Variants in PAQR8 observed in about 807,000 individuals in gnomAD.
PAQR8 encodes membrane progestin receptor beta.
PAQR8 carries 17 observed loss-of-function variants against 25.2 expected under a neutral mutation model. The ratio of observed to expected loss-of-function variants is 0.67; its 90% CI spans 0.46 to 1.01. PAQR8 has a LOEUF of 1.01. Ranked by LOEUF, PAQR8 falls within the 50% of genes least tolerant of loss-of-function variation. The probability of loss-of-function intolerance (pLI) is 0.00; values close to 1 mark genes in which losing one functional copy is unlikely to be tolerated. For missense variants in PAQR8, 392 were observed against 448.4 expected, an observed-to-expected ratio of 0.87 and a Z score of 1.14; for synonymous variants, 204 against 190.6, an observed-to-expected ratio of 1.07 and a Z score of -0.58.
chr6:52,391,304 T>A (rs1315882909), intron 1 of PAQR8, among the ~76,000 whole-genome samples: 1 of 152,246 alleles, frequency 6.6e-6, no homozygotes, highest in African/African-American at 2.4e-5. Context: ...TATCTTTGTA[T>A]AACAATAAAT....
Position 52,403,530 on chromosome 6 carries a change from C to T in PAQR8, c.317C>T (p.Ser106Phe), listed in dbSNP as rs1418824851. The change falls in exon 2 of 2, where the codon TCT (serine) becomes TTT (phenylalanine). Residue 106 changes from serine to phenylalanine, a missense_variant. Transcript: ENST00000442253. ...GAGGCTGAGGCCTTGCCATGGGCGT[C>T]TACCCACTCCCTGCCTCTGCTCCTC... ...FAEAEALPWA[S>F]THSLPLLLFI... The T allele has an allele frequency of 3.1e-6, 5 of 1,614,074 alleles. No individual in the cohort carries two copies. Among genetic ancestry groups the T allele is most frequent in the Non-Finnish European group, 3.4e-6 (4 of 1,180,050 alleles).
In PAQR8 at chr6:52,372,753, G is replaced by GATAT. The variant is rs376675829; in HGVS notation, c.-53+10517_-53+10520dup. On this transcript the variant is annotated intron_variant, in intron 1 of 1. Transcript: ENST00000442253. ...AACTCCATATATATATATATATATG[G>GATAT]ATATATATATATATATCTTCAGATT... 3.7e-3 allele frequency among the ~76,000 whole-genome samples: 509 copies of GATAT among 138,114 alleles called. 4 individuals are homozygous for GATAT. The highest frequency in any genetic ancestry group is 0.01 in the African/African-American group (391 of 37,356). 90.6% of individuals were successfully genotyped at this position (138,114 alleles called of 152,430 possible). A position where few individuals can be genotyped will look rare whatever the true frequency, so the allele number is the denominator to read the frequency against.
At chr6:52,366,166 T>TTA (rs1270045513) in intron 1 of PAQR8, among the ~76,000 whole-genome samples, 11 of 152,020 alleles carry the variant, frequency 7.2e-5, no homozygotes, top group Non-Finnish European at 1.5e-4. Flanking sequence ...AAATTTTATT[T>TTA]TATATATATA....
Position 52,407,731 on chromosome 6 carries a change from A to G in PAQR8, c.*3453A>G, listed in dbSNP as rs570351823. The stretch of plus-strand genomic sequence containing the variant: ...AAAAATGGAGCTATTTTCTGTCTAT[A>G]TAAATCTACTTATATGAATAACCAT... On this transcript the variant is annotated 3_prime_UTR_variant, in exon 2 of 2. Transcript: ENST00000442253. 69 of 158,164 alleles carry G rather than the reference A, an allele frequency of 4.4e-4. 1 individual carries two copies. Among genetic ancestry groups the G allele is most frequent in the African/African-American group, 1.6e-3 (64 of 40,704 alleles). 9.8% of individuals were successfully genotyped at this position (158,164 alleles called of 1,614,324 possible). A position where few individuals can be genotyped will look rare whatever the true frequency, so the allele number is the denominator to read the frequency against.
chr6:52,403,736 T>A lies in PAQR8; in HGVS notation c.523T>A (p.Phe175Ile). 5 of 1,614,262 alleles carry A rather than the reference T, an allele frequency of 3.1e-6. No individual in the cohort carries two copies. The highest frequency in any genetic ancestry group is 4.2e-6 in the Non-Finnish European group (5 of 1,180,040). The change falls in exon 2 of 2, where the codon TTC becomes ATC. Residue 175 changes from phenylalanine to isoleucine, a missense_variant. Transcript: ENST00000442253. ...CTCTGACCAGGCCTGGTATGACCGGTTCTGGCTTTTCTTCTTGCCAGCAGC... is the reference window on the plus strand; with the variant it reads ...CTCTGACCAGGCCTGGTATGACCGGATCTGGCTTTTCTTCTTGCCAGCAGC... ...YSSDQAWYDRFWLFFLPAAAF... is the reference protein window; with the variant it reads ...YSSDQAWYDRIWLFFLPAAAF...
At position 52,403,444 on chromosome 6, in the gene PAQR8, CA is replaced by C; in HGVS notation, c.233del (p.Asn78ThrfsTer74). The part of the protein sequence containing the change: ...SLFQKHNEVV[N>X]VWTHLLAALA... ...TCTTTCAGAAACACAACGAGGTGGT[CA>C]ACGTCTGGACCCATTTACTGGCAGC... On this transcript the variant is annotated frameshift_variant, in exon 2 of 2. Transcript: ENST00000442253. LOFTEE classifies it high-confidence loss of function. 1 of 1,614,232 alleles carries C rather than the reference CA, an allele frequency of 6.2e-7. No homozygotes were observed. The highest frequency in any genetic ancestry group is 2.2e-5 in the East Asian group (1 of 44,886).
intron 1 of PAQR8, among the ~76,000 whole-genome samples, chr6:52,389,972 C>T (rs140881013): frequency 1.3e-5 from 2 of 152,282 alleles, no homozygotes; most frequent in African/African-American, 4.8e-5. Context: ...CCGATAGTTA[C>T]ACTCATGTAG....
At position 52,393,330 on chromosome 6, in the gene PAQR8, TC is replaced by T. The variant is rs1562432689; in HGVS notation, c.-52-9831del. On this transcript the variant is annotated intron_variant, in intron 1 of 1. Transcript: ENST00000442253. Reference sequence around the variant, plus strand: ...GATACTATTATTCTGACACTTTCTCTCTCTTTTTTTTTTTTTTTTTTTTGAG... The same window carrying T: ...GATACTATTATTCTGACACTTTCTCTTCTTTTTTTTTTTTTTTTTTTTGAG... Among the ~76,000 whole-genome samples the T allele has an allele frequency of 5.7e-5, 7 of 122,042 alleles. No individual in the cohort carries two copies. In the East Asian group the frequency reaches 1.6e-3, roughly 28 times the overall value. The allele number at this position is 122,042 out of a possible 152,430, so 80.1% of individuals were successfully genotyped here.
At chr6:52,368,219 G>T (rs1286010022) in intron 1 of PAQR8, among the ~76,000 whole-genome samples, 3 of 152,268 alleles carry the variant, frequency 2.0e-5, no homozygotes, top group South Asian at 2.1e-4. Context: ...CAAATTCTGG[G>T]CACAGAGAAT....
chr6:52,403,526 G>T lies in PAQR8; in HGVS notation c.313G>T (p.Ala105Ser), dbSNP rs1474408197. ...AFAEAEALPW[A>S]STHSLPLLLF... is the part of the protein sequence containing the mutation. ...TGCCGAGGCTGAGGCCTTGCCATGG[G>T]CGTCTACCCACTCCCTGCCTCTGCT... Residue 105 changes from alanine (A) to serine (S), a missense_variant, in exon 2 of 2, where the codon GCG (alanine) becomes TCG (serine). Transcript: ENST00000442253. The T allele has an allele frequency of 6.2e-7, 1 of 1,614,044 alleles. No individual in the cohort carries two copies. Among genetic ancestry groups the T allele is most frequent in the African/African-American group, 1.3e-5 (1 of 75,072 alleles).
At chr6:52,393,422 A>G (rs1424035762) in intron 1 of PAQR8, among the ~76,000 whole-genome samples, 3 of 144,514 alleles carry the variant, frequency 2.1e-5, no homozygotes, top group African/African-American at 7.7e-5. Flanking sequence ...TGTAGCCTCA[A>G]TCTCCTGGGC....
At chr6:52,367,658 T>G (rs1283380711) in intron 1 of PAQR8, among the ~76,000 whole-genome samples, 1 of 152,208 alleles carries the variant, frequency 6.6e-6, no homozygotes, top group East Asian at 1.9e-4. Context: ...CATTTTGTCC[T>G]AGGTTCTGCC....
intron 1 of PAQR8, among the ~76,000 whole-genome samples, chr6:52,365,175 T>C (rs1196889114): frequency 6.6e-6 from 1 of 151,942 alleles, no homozygotes; most frequent in African/African-American, 2.4e-5. Flanking sequence ...GCCCCAGCTG[T>C]AGGTAATGCC....
At chr6:52,379,778 T>C (rs557136057) in intron 1 of PAQR8, among the ~76,000 whole-genome samples, 3 of 152,222 alleles carry the variant, frequency 2.0e-5, no homozygotes, top group Non-Finnish European at 1.5e-5. Context: ...AGGCGCCTGC[T>C]ACCGCGCCCG....
Position 52,407,500 on chromosome 6 carries a change from G to A in PAQR8, c.*3222G>A, listed in dbSNP as rs1361669784. The A allele has an allele frequency of 6.0e-6, 1 of 166,846 alleles. No individual in the cohort carries two copies. The highest frequency in any genetic ancestry group is 1.5e-5 in the Non-Finnish European group (1 of 68,068). 10.3% of individuals were successfully genotyped at this position (166,846 alleles called of 1,614,324 possible). Reference sequence around the variant, plus strand: ...GAAGGTAGTTATTCCTGCCTGTGTTGCCCACCTGTTCACAAAAAGTACCTT... The same window carrying A: ...GAAGGTAGTTATTCCTGCCTGTGTTACCCACCTGTTCACAAAAAGTACCTT... On this transcript the variant is annotated 3_prime_UTR_variant, in exon 2 of 2. Transcript: ENST00000442253.
intron 1 of PAQR8, among the ~76,000 whole-genome samples, chr6:52,385,759 C>T (rs965700779): frequency 1.3e-5 from 2 of 152,010 alleles, no homozygotes; most frequent in African/African-American, 4.8e-5. Flanking sequence ...CTGGTGTGCG[C>T]AGGTAGTCCC....
chr6:52,398,037 T>C (rs1763786523), intron 1 of PAQR8, among the ~76,000 whole-genome samples: 1 of 152,072 alleles, frequency 6.6e-6, no homozygotes, highest in African/African-American at 2.4e-5. Context: ...TTAATGATGA[T>C]AAAAGAATTA....
chr6:52,403,236 G>A lies in PAQR8; in HGVS notation c.23G>A (p.Arg8His), dbSNP rs1195271205. The A allele has an allele frequency of 1.9e-6, 3 of 1,599,368 alleles. No homozygotes were observed. The highest frequency in any genetic ancestry group is 1.1e-5 in the South Asian group (1 of 90,816). MTTAILERLSTLSVSGQQ... is the reference protein window; with the variant it reads MTTAILEHLSTLSVSGQQ... ...GCCATGACGACCGCCATCTTGGAGC[G>A]CCTGAGCACCCTGTCGGTCAGCGGG... is the stretch of plus-strand genomic sequence containing the variant. Residue 8 changes from arginine to histidine, a missense_variant, in exon 2 of 2, where the codon CGC (arginine) becomes CAC (histidine). Arg to His is a conservative substitution (Grantham distance 29, BLOSUM62 0). Transcript: ENST00000442253.
At chr6:52,385,783 G>A (rs930797533) in intron 1 of PAQR8, among the ~76,000 whole-genome samples, 2 of 152,146 alleles carry the variant, frequency 1.3e-5, no homozygotes, top group East Asian at 1.9e-4. Flanking sequence ...TACTTGAGAG[G>A]CTGAAGTGGG....
Sources: allele counts gnomAD v4.1 joint callset (sites outside exome capture counted in the v4.1 genomes callset), GRCh38; gene constraint gnomAD v4.1.1; transcripts MANE v1.5; gene names NCBI Gene and HGNC (gene_info 2026-07-23, HGNC 2026-07-21).